NIPAL2: variants seen among roughly 807,000 people sequenced by gnomAD.
The protein encoded by NIPAL2 is NIPA-like protein 2.
Under a neutral mutation model 48.9 loss-of-function variants are expected in NIPAL2, and 43 were observed. That is an observed-to-expected ratio of 0.88 (90% CI 0.69 to 1.13). NIPAL2 has a LOEUF of 1.13. NIPAL2 is among the 50% of genes most tolerant of loss of function. The pLI is 0.00. For synonymous variants in NIPAL2, 167 were observed against 174.6 expected (o/e 0.96, Z 0.34); for missense variants, 446 against 461.4 (o/e 0.97, Z 0.31).
chr8:98,247,102 T>C (rs1203540769), intron 3 of NIPAL2, among the ~76,000 whole-genome samples: 1 of 152,226 alleles, frequency 6.6e-6, no homozygotes, highest in Admixed American at 6.5e-5. Context: ...GACAGGCTTA[T>C]AGACCTATGA....
intron 1 of NIPAL2, among the ~76,000 whole-genome samples, chr8:98,282,968 T>G (rs1815935209): frequency 6.6e-6 from 1 of 152,226 alleles, no homozygotes; most frequent in Non-Finnish European, 1.5e-5. Context: ...CTGAGAAAGC[T>G]GTACAACACC....
intron 10 of NIPAL2, chr8:98,193,563 C>T (rs903553616): frequency 2.7e-6 from 2 of 733,128 alleles, no homozygotes; most frequent in Admixed American, 2.3e-5. Flanking sequence ...TCACACCTAT[C>T]ATCCCAGCAC....
chr8:98,258,918 G>T (rs909937214), intron 1 of NIPAL2, among the ~76,000 whole-genome samples: 1 of 151,460 alleles, frequency 6.6e-6, no homozygotes, highest in East Asian at 1.9e-4. Flanking sequence ...TTCAGCTGAA[G>T]TTTTTCTTTT....
chr8:98,243,098 G>T (rs1324690477), intron 3 of NIPAL2, among the ~76,000 whole-genome samples: 1 of 152,070 alleles, frequency 6.6e-6, no homozygotes, highest in African/African-American at 2.4e-5. Context: ...TGTTTCCTTT[G>T]GTGCAAAATG....
chr8:98,220,961 ATTCTTT>A, intron 5 of NIPAL2, among the ~76,000 whole-genome samples: 1 of 87,886 alleles, frequency 1.1e-5, no homozygotes, highest in African/African-American at 4.9e-5. Flanking sequence ...AGTTCATTTC[ATTCTTT>A]TTTTTTTTTT....
chr8:98,216,504 T>C (rs1334849497), intron 5 of NIPAL2, among the ~76,000 whole-genome samples: 1 of 152,238 alleles, frequency 6.6e-6, no homozygotes, highest in Non-Finnish European at 1.5e-5. Context: ...CCATAGATAT[T>C]GATGTCCTAT....
intron 5 of NIPAL2, among the ~76,000 whole-genome samples, chr8:98,212,755 A>G (rs1395076572): frequency 6.6e-6 from 1 of 152,038 alleles, no homozygotes; most frequent in Non-Finnish European, 1.5e-5. Context: ...CATTTCCCCA[A>G]GTATCTATGA....
intron 3 of NIPAL2, among the ~76,000 whole-genome samples, chr8:98,236,851 CAAAAAAAAAA>C (rs34210829): frequency 1.6e-4 from 11 of 66,900 alleles, no homozygotes; most frequent in African/African-American, 5.5e-4. Flanking sequence ...GATCCTGTCT[CAAAAAAAAAA>C]AAAAAAAAAA....
At chr8:98,206,726 C>T (rs2122929) in intron 6 of NIPAL2, among the ~76,000 whole-genome samples, 9,922 of 147,838 alleles carry the variant, frequency 0.067, 457 homozygotes, top group East Asian at 0.13. Flanking sequence ...AGGCGGAGTT[C>T]GCAGAGGGCC....
At chr8:98,231,838 A>G (rs959842824) in intron 4 of NIPAL2, 4 of 152,214 alleles carry the variant, frequency 2.6e-5, no homozygotes, top group Non-Finnish European at 1.5e-5. Flanking sequence ...TCCATCATGA[A>G]AAACAAACTT....
intron 4 of NIPAL2, among the ~76,000 whole-genome samples, chr8:98,226,424 C>T (rs1812174351): frequency 6.6e-6 from 1 of 152,080 alleles, no homozygotes; most frequent in African/African-American, 2.4e-5. Flanking sequence ...GTCACTGTGG[C>T]CATATCTACA....
At chr8:98,254,540 C>T (rs1406291246) in intron 1 of NIPAL2, among the ~76,000 whole-genome samples, 1 of 152,070 alleles carries the variant, frequency 6.6e-6, no homozygotes, top group Non-Finnish European at 1.5e-5. Context: ...CAAGTTATTT[C>T]ACTTCTCTGG....
At chr8:98,248,762 G>C (rs529513208) in intron 3 of NIPAL2, among the ~76,000 whole-genome samples, 43 of 152,302 alleles carry the variant, frequency 2.8e-4, no homozygotes, top group Non-Finnish European at 2.8e-4. Context: ...CACACTGCTA[G>C]TAAAACTAGC....
At chr8:98,245,675 T>C (rs1813272467) in intron 3 of NIPAL2, among the ~76,000 whole-genome samples, 1 of 152,238 alleles carries the variant, frequency 6.6e-6, no homozygotes, top group Admixed American at 6.5e-5. Flanking sequence ...GTATTACAAA[T>C]TTAATTGTGT....
chr8:98,193,541 C>T (rs778495679), intron 10 of NIPAL2: 35 of 907,748 alleles, frequency 3.9e-5, no homozygotes, highest in South Asian at 1.1e-4. Flanking sequence ...TAATCAGGCT[C>T]GGTGCAGTGG....
At chr8:98,283,149 T>C (rs916607734) in intron 1 of NIPAL2, among the ~76,000 whole-genome samples, 4 of 152,246 alleles carry the variant, frequency 2.6e-5, no homozygotes, top group Non-Finnish European at 4.4e-5. Context: ...ATTACATTTG[T>C]CTTTTACTAG....
chr8:98,212,411 T>G lies in NIPAL2; in HGVS notation c.649A>C (p.Ile217Leu). Residue 217 changes from isoleucine (I) to leucine (L), a missense_variant, in exon 6 of 11, where the codon ATT becomes CTT. Physicochemically the swap from Ile to Leu is conservative, Grantham distance 5. Coordinates refer to ENST00000430223, the MANE Select transcript of NIPAL2 (RefSeq NM_001321635.2). Reference protein sequence around the residue: ...HMVILLTLVAILASLTVISVK... With the variant: ...HMVILLTLVALLASLTVISVK... The stretch of plus-strand genomic sequence containing the variant: ...AAACAAAATATGCCTTTACCTAGAA[T>G]TGCCACCAGGGTTAGCAGAATCACC... 1 of 1,570,554 alleles carries G rather than the reference T, an allele frequency of 6.4e-7. No homozygotes were observed. Among genetic ancestry groups the G allele is most frequent in the Non-Finnish European group, 8.8e-7 (1 of 1,141,424 alleles).
intron 4 of NIPAL2, among the ~76,000 whole-genome samples, chr8:98,228,960 T>C (rs1812309117): frequency 6.6e-6 from 1 of 152,124 alleles, no homozygotes; most frequent in Non-Finnish European, 1.5e-5. Context: ...AAAATAGCAG[T>C]CCTATGTTTT....
intron 3 of NIPAL2, among the ~76,000 whole-genome samples, chr8:98,237,297 C>T (rs1045520620): frequency 6.6e-6 from 1 of 152,020 alleles, no homozygotes; most frequent in Non-Finnish European, 1.5e-5. Flanking sequence ...AGTGATCCTC[C>T]TGCCTCGACC....
Sources: allele counts gnomAD v4.1 joint callset (sites outside exome capture counted in the v4.1 genomes callset), GRCh38; gene constraint gnomAD v4.1.1; transcripts MANE v1.5; gene names NCBI Gene and HGNC (gene_info 2026-07-23, HGNC 2026-07-21).